ATL2: variants seen among roughly 807,000 people sequenced by gnomAD.
ATL2 encodes the protein atlastin GTPase 2.
A neutral mutation model predicts 73.9 loss-of-function variants in ATL2; 31 were observed. The ratio of observed to expected loss-of-function variants is 0.42; its 90% CI spans 0.32 to 0.57. The LOEUF is 0.57. ATL2 is among the 20% of genes least tolerant of loss of function. The probability of loss-of-function intolerance (pLI) is 0.14; values close to 1 mark genes in which losing one functional copy is unlikely to be tolerated. For synonymous variants in ATL2, 291 were observed against 237.5 expected (o/e 1.23, Z -2.07); for missense variants, 738 against 702.6 (o/e 1.05, Z -0.57).
intron 1 of ATL2, among the ~76,000 whole-genome samples, chr2:38,352,382 A>G (rs1670409979): frequency 6.6e-6 from 1 of 152,176 alleles, no homozygotes; most frequent in African/African-American, 2.4e-5. Flanking sequence ...CAAGTAGCAC[A>G]AGGACACTTT....
chr2:38,343,351 T>C lies in ATL2; in HGVS notation c.280A>G (p.Ile94Val). 6.2e-7 allele frequency: 1 copy of C among 1,611,976 alleles called. No individual in the cohort carries two copies. The highest frequency in any genetic ancestry group is 1.1e-5 in the South Asian group (1 of 90,930). Residue 94 changes from isoleucine (I) to valine (V), a missense_variant, in exon 2 of 13, where the codon ATA (isoleucine) becomes GTA (valine). Ile to Val is a conservative substitution (Grantham distance 29). Coordinates refer to ENST00000378954, the MANE Select transcript of ATL2 (RefSeq NM_001135673.4). ...GCTCCTGCCACAGATACCACTACTATGTTAAGATCTCGTATGTGCTCCTGT... is the reference window on the plus strand; with the variant it reads ...GCTCCTGCCACAGATACCACTACTACGTTAAGATCTCGTATGTGCTCCTGT... ...LLQEHIRDLN[I>V]VVVSVAGAFR...
intron 1 of ATL2, among the ~76,000 whole-genome samples, chr2:38,347,480 A>G (rs1050173918): frequency 6.6e-6 from 1 of 152,060 alleles, no homozygotes; most frequent in Admixed American, 6.6e-5. Flanking sequence ...TGACCACTCA[A>G]TCTAAATCAC....
chr2:38,355,371 C>G (rs1670597627), intron 1 of ATL2, among the ~76,000 whole-genome samples: 2 of 152,162 alleles, frequency 1.3e-5, no homozygotes, highest in South Asian at 2.1e-4. Flanking sequence ...CCTCATCGGC[C>G]TCCCAAAGTG....
chr2:38,363,982 G>C (rs1164843897), intron 1 of ATL2, among the ~76,000 whole-genome samples: 1 of 152,200 alleles, frequency 6.6e-6, no homozygotes, highest in African/African-American at 2.4e-5. Flanking sequence ...ATGTAGTCTA[G>C]GCCGGGCACA....
chr2:38,328,703 T>G (rs969873428), intron 2 of ATL2, among the ~76,000 whole-genome samples: 5 of 152,162 alleles, frequency 3.3e-5, no homozygotes, highest in African/African-American at 1.2e-4. Context: ...TTTATAGCAT[T>G]AGATGCATAC....
rs77607425 is a variant in ATL2, at chr2:38,341,778, G to C, written c.363+1490C>G. 7.5e-3 allele frequency among the ~76,000 whole-genome samples: 1,144 copies of C among 152,160 alleles called. 14 individuals are homozygous for C. Among genetic ancestry groups the C allele is most frequent in the East Asian group, 0.058 (302 of 5,186 alleles). ...ATATTTGAGAAAGCCTGAAATGATCGCCATGAAAAAACTTTACTGAAAAGC... is the reference window on the plus strand; with the variant it reads ...ATATTTGAGAAAGCCTGAAATGATCCCCATGAAAAAACTTTACTGAAAAGC... On this transcript the variant is annotated intron_variant, in intron 2 of 12. Coordinates refer to ENST00000378954, the MANE Select transcript of ATL2 (RefSeq NM_001135673.4).
intron 7 of ATL2, among the ~76,000 whole-genome samples, chr2:38,312,675 C>T (rs1488453961): frequency 6.8e-6 from 1 of 148,018 alleles, no homozygotes; most frequent in Non-Finnish European, 1.5e-5. Context: ...TGCCATTGCA[C>T]TCCAGCCCAG....
intron 1 of ATL2, among the ~76,000 whole-genome samples, chr2:38,349,985 A>G (rs1040636989): frequency 4.6e-5 from 7 of 152,214 alleles, no homozygotes; most frequent in Non-Finnish European, 7.3e-5. Flanking sequence ...AAATACAGAT[A>G]AAGTACTCCA....
At chr2:38,297,970 A>G (rs769799396) in intron 12 of ATL2, 174 bp downstream of exon 12, 6 of 650,084 alleles carry the variant, frequency 9.2e-6, no homozygotes, top group African/African-American at 9.1e-5. Flanking sequence ...CATTAAAATT[A>G]TAACTTTAAA....
intron 6 of ATL2, among the ~76,000 whole-genome samples, chr2:38,313,666 T>C (rs1323558305): frequency 1.3e-5 from 2 of 152,154 alleles, no homozygotes; most frequent in Admixed American, 6.5e-5. Flanking sequence ...TTTACTCATA[T>C]AGGGTTAGAT....
intron 5 of ATL2, among the ~76,000 whole-genome samples, chr2:38,314,924 A>C (rs962818686): frequency 3.9e-4 from 60 of 152,390 alleles, no homozygotes; most frequent in African/African-American, 1.4e-3. Flanking sequence ...AGTGAGAATT[A>C]AATTTCAATA....
intron 9 of ATL2, among the ~76,000 whole-genome samples, chr2:38,300,880 GAAA>G (rs60232727): frequency 1.9e-5 from 2 of 103,444 alleles, no homozygotes; most frequent in African/African-American, 3.2e-5. Context: ...GCTCAAGAAG[GAAA>G]AAAAAAAAAA....
intron 2 of ATL2, among the ~76,000 whole-genome samples, chr2:38,321,733 G>C (rs115015363): frequency 6.6e-6 from 1 of 151,312 alleles, no homozygotes; most frequent in African/African-American, 2.4e-5. Flanking sequence ...CTTTTTTTGA[G>C]ACAGGGTCTC....
intron 4 of ATL2, 110 bp from the exon 5 acceptor site, chr2:38,315,444 G>C: frequency 8.8e-7 from 1 of 1,132,596 alleles, no homozygotes; most frequent in Middle Eastern, 2.3e-4. Flanking sequence ...CAGCGCAAAG[G>C]AATCATTTAA....
chr2:38,313,451 C>A (rs948104663), intron 6 of ATL2, among the ~76,000 whole-genome samples: 1 of 152,112 alleles, frequency 6.6e-6, no homozygotes. Flanking sequence ...ATCGCTGCCA[C>A]TGAAGAACTT....
intron 2 of ATL2, among the ~76,000 whole-genome samples, chr2:38,326,291 G>T (rs76896201): frequency 0.011 from 1,630 of 152,242 alleles, 31 homozygotes; most frequent in African/African-American, 0.037. Flanking sequence ...AGGACCTGCA[G>T]CTAAAAAACA....
At chr2:38,346,033 T>A (rs1303490729) in intron 1 of ATL2, among the ~76,000 whole-genome samples, 2 of 152,216 alleles carry the variant, frequency 1.3e-5, no homozygotes. Context: ...GCCAAAATGC[T>A]ATGGTGATTT....
At position 38,300,259 on chromosome 2, in the gene ATL2, T is replaced by C; in HGVS notation, c.1128+13A>G. ...AGTATATGTACAACACATATCACTC[T>C]CTCTCTCTCTACCTGAAGCATGGAC... On this transcript the variant is annotated intron_variant, in intron 10 of 12. Coordinates refer to ENST00000378954, the MANE Select transcript of ATL2 (RefSeq NM_001135673.4). 1 of 1,562,652 alleles carries C rather than the reference T, an allele frequency of 6.4e-7. No homozygotes were observed. The highest frequency in any genetic ancestry group is 8.8e-7 in the Non-Finnish European group (1 of 1,136,478).
At chr2:38,308,811 G>A (rs1558392917) in intron 9 of ATL2, among the ~76,000 whole-genome samples, 1 of 151,888 alleles carries the variant, frequency 6.6e-6, no homozygotes, top group Non-Finnish European at 1.5e-5. Flanking sequence ...AAGATAATAT[G>A]AGAGTAACTA....
Sources: gnomAD v4.1 joint callset for allele counts (sites outside exome capture counted in the v4.1 genomes callset) on GRCh38, gnomAD v4.1.1 for gene constraint, MANE v1.5 for transcripts, NCBI Gene and HGNC (gene_info 2026-07-23, HGNC 2026-07-21) for gene names.